The following AGPAT5 variants were observed in gnomAD, a reference collection of about 807,000 sequenced individuals.
The protein encoded by AGPAT5 is 1-acylglycerol-3-phosphate O-acyltransferase 5.
In AGPAT5, 46 loss-of-function variants were observed where a neutral mutation model predicts 45.6. That is an observed-to-expected ratio of 1.01 (90% CI 0.80 to 1.29). The LOEUF is 1.29. Ranked by LOEUF, AGPAT5 falls within the 50% of genes most tolerant of loss-of-function variation. The pLI, the probability that AGPAT5 is intolerant of heterozygous loss-of-function variation, is 0.00. For missense variants in AGPAT5, 673 were observed against 450.7 expected, an observed-to-expected ratio of 1.49 and a Z score of -4.47; for synonymous variants, 272 against 167.0, an observed-to-expected ratio of 1.63 and a Z score of -4.85.
chr8:6,738,656 G>A (rs960858196), intron 4 of AGPAT5: 1 of 152,200 alleles, frequency 6.6e-6, no homozygotes, highest in Non-Finnish European at 1.5e-5. Flanking sequence ...GCTCAGTAAA[G>A]CGAAGCATGA....
intron 7 of AGPAT5, among the ~76,000 whole-genome samples, chr8:6,755,519 G>T (rs1559747): frequency 0.028 from 4,272 of 152,316 alleles, 130 homozygotes; most frequent in African/African-American, 0.071. Flanking sequence ...TGGTGTTACT[G>T]TGTGAGGTCT....
intron 1 of AGPAT5, 29 bp downstream of exon 1, chr8:6,708,916 G>T (rs1489487183): frequency 6.3e-7 from 1 of 1,582,944 alleles, no homozygotes; most frequent in African/African-American, 1.3e-5. Context: ...CCGGGTCTCG[G>T]CGTCCACCCG....
chr8:6,737,612 C>G (rs1443015688), intron 4 of AGPAT5, among the ~76,000 whole-genome samples: 4 of 152,172 alleles, frequency 2.6e-5, no homozygotes, highest in African/African-American at 7.2e-5. Flanking sequence ...AGACTATGAG[C>G]TAGTAAAACT....
At position 6,714,139 on chromosome 8, in the gene AGPAT5, A is replaced by G. The variant is rs1362176805; in HGVS notation, c.219+5252A>G. Among the ~76,000 whole-genome samples, 4 of 152,232 alleles carry G rather than the reference A, an allele frequency of 2.6e-5. No homozygotes were observed. In the South Asian group the frequency reaches 8.3e-4, roughly 32 times the overall value. On this transcript the variant is annotated intron_variant, in intron 1 of 7. Transcript: ENST00000285518. ...AATGTTGCCCAGCGTCGTCTCTGAT[A>G]CCTATAGTCCTAACAAGAATATGAA...
At chr8:6,740,172 TACC>T (rs1423608847) in intron 4 of AGPAT5, among the ~76,000 whole-genome samples, 1 of 152,068 alleles carries the variant, frequency 6.6e-6, no homozygotes, top group Non-Finnish European at 1.5e-5. Flanking sequence ...CAGCAAATAA[TACC>T]ACATGAGTTA....
intron 4 of AGPAT5, 117 bp from the exon 5 acceptor site, chr8:6,741,544 A>G (rs1011429879): frequency 2.4e-5 from 15 of 634,912 alleles, no homozygotes; most frequent in African/African-American, 3.7e-5. Context: ...ATAAATATAC[A>G]TTTTCTCCTA....
intron 4 of AGPAT5, among the ~76,000 whole-genome samples, chr8:6,736,405 C>A (rs950188013): frequency 6.6e-6 from 1 of 152,056 alleles, no homozygotes; most frequent in African/African-American, 2.4e-5. Context: ...TTTGTCAAAT[C>A]TGTTATTTTG....
At chr8:6,735,632 C>T (rs1048886017) in intron 4 of AGPAT5, among the ~76,000 whole-genome samples, 2 of 152,162 alleles carry the variant, frequency 1.3e-5, no homozygotes, top group Non-Finnish European at 2.9e-5. Context: ...TGCCTTGCAA[C>T]CTTGCAGCTC....
intron 4 of AGPAT5, among the ~76,000 whole-genome samples, chr8:6,734,541 A>T (rs1278506208): frequency 1.3e-5 from 2 of 152,218 alleles, no homozygotes; most frequent in African/African-American, 2.4e-5. Context: ...ATTTTATTAT[A>T]CTTGCAGTTC....
chr8:6,742,359 G>T (rs1801270089), intron 5 of AGPAT5, among the ~76,000 whole-genome samples: 1 of 152,196 alleles, frequency 6.6e-6, no homozygotes, highest in Non-Finnish European at 1.5e-5. Flanking sequence ...TTAGAAAATT[G>T]AATAATTGGT....
At chr8:6,740,560 C>G (rs1348694871) in intron 4 of AGPAT5, among the ~76,000 whole-genome samples, 1 of 150,308 alleles carries the variant, frequency 6.7e-6, no homozygotes, top group Non-Finnish European at 1.5e-5. Context: ...CTGTTAATTT[C>G]TAAGTTAGGT....
intron 4 of AGPAT5, among the ~76,000 whole-genome samples, chr8:6,736,989 C>G (rs560901621): frequency 6.6e-6 from 1 of 152,288 alleles, no homozygotes; most frequent in African/African-American, 2.4e-5. Flanking sequence ...AACATCTTGC[C>G]AACTCTTGGG....
intron 1 of AGPAT5, among the ~76,000 whole-genome samples, chr8:6,710,885 C>G (rs1337202788): frequency 6.6e-6 from 1 of 152,042 alleles, no homozygotes; most frequent in African/African-American, 2.4e-5. Flanking sequence ...AAATTTTTAG[C>G]TTGCTTTTCT....
rs766987735 is a variant in AGPAT5, at chr8:6,732,600, G to A, written c.445G>A (p.Glu149Lys). 2.5e-6 allele frequency: 4 copies of A among 1,611,246 alleles called. No individual in the cohort carries two copies. The South Asian group carries it at 3.3e-5, about 13-fold the overall frequency. The change falls in exon 4 of 8, where the codon GAG becomes AAG. Residue 149 changes from glutamate to lysine, a missense_variant. Coordinates refer to ENST00000285518, the MANE Select transcript of AGPAT5 (RefSeq NM_018361.5). Reference protein sequence around the residue: ...IYVKRSAKFNEKEMRNKLQSY... With the variant: ...IYVKRSAKFNKKEMRNKLQSY... ...TGTAAAGCGCAGTGCCAAATTTAAC[G>A]AGAAAGAGATGCGAAACAAGTTGCA...
chr8:6,710,162 AT>A (rs952693215), intron 1 of AGPAT5, among the ~76,000 whole-genome samples: 1 of 152,088 alleles, frequency 6.6e-6, no homozygotes, highest in Non-Finnish European at 1.5e-5. Flanking sequence ...GGGTTATGTT[AT>A]TTTTGTTCAA....
intron 4 of AGPAT5, among the ~76,000 whole-genome samples, chr8:6,737,513 C>A (rs969773622): frequency 6.6e-6 from 1 of 152,064 alleles, no homozygotes; most frequent in Admixed American, 6.5e-5. Flanking sequence ...ATTGCTGGGA[C>A]AATACAGTAT....
intron 4 of AGPAT5, among the ~76,000 whole-genome samples, chr8:6,733,904 C>G (rs1349225986): frequency 6.6e-6 from 1 of 152,078 alleles, no homozygotes; most frequent in Non-Finnish European, 1.5e-5. Context: ...CACAGTGGCC[C>G]CTTGCTTTTT....
intron 3 of AGPAT5, 42 bp from the exon 4 acceptor site, chr8:6,732,519 T>A: frequency 6.5e-7 from 1 of 1,536,148 alleles, no homozygotes; most frequent in Non-Finnish European, 8.8e-7. Flanking sequence ...CCAATTGTTA[T>A]TTTAAAAGTA....
At chr8:6,735,180 C>T (rs1242894025) in intron 4 of AGPAT5, among the ~76,000 whole-genome samples, 2 of 152,152 alleles carry the variant, frequency 1.3e-5, no homozygotes, top group African/African-American at 4.8e-5. Context: ...TTCACCCAGC[C>T]TCATCGAGTA....
Sources: allele counts gnomAD v4.1 joint callset (sites outside exome capture counted in the v4.1 genomes callset), GRCh38; gene constraint gnomAD v4.1.1; transcripts MANE v1.5; gene names NCBI Gene and HGNC (gene_info 2026-07-23, HGNC 2026-07-21).